The following NCAPH2 variants were observed in gnomAD, a reference collection of about 807,000 sequenced individuals.
The protein encoded by NCAPH2 is condensin-2 complex subunit H2.
NCAPH2 carries 56 observed loss-of-function variants against 88.6 expected under a neutral mutation model. The observed-to-expected ratio is 0.63, with a 90% CI of 0.51 to 0.79. The LOEUF (loss-of-function observed/expected upper bound fraction) is 0.79, where lower values mean the gene tolerates loss of function less well. Ranked by LOEUF, NCAPH2 falls within the 30% of genes least tolerant of loss-of-function variation. The probability of loss-of-function intolerance (pLI) is 0.00; values close to 1 mark genes in which losing one functional copy is unlikely to be tolerated. For missense variants in NCAPH2, 794 were observed against 792.0 expected, an observed-to-expected ratio of 1.00 and a Z score of -0.03; for synonymous variants, 378 against 313.6, an observed-to-expected ratio of 1.21 and a Z score of -2.17.
At chr22:50,517,869 T>C in intron 5 of NCAPH2, 60 bp downstream of exon 5, 1 of 1,605,622 alleles carries the variant, frequency 6.2e-7, no homozygotes, top group Non-Finnish European at 8.5e-7. Context: ...CCTGGGGCTG[T>C]GTTGAGCTGA....
chr22:50,523,340 C>A lies in NCAPH2; in HGVS notation c.1783C>A (p.Gln595Lys). ...GCACCAGCGAGCGCACAAGCGCTTCCAGACCTACGCTGCCCCCTCCATGGC... is the reference window on the plus strand; with the variant it reads ...GCACCAGCGAGCGCACAAGCGCTTCAAGACCTACGCTGCCCCCTCCATGGC... ...LTHQRAHKRF[Q>K]TYAAPSMAQP Residue 595 changes from glutamine (Q) to lysine (K), a missense_variant, in exon 20 of 20, where the codon CAG (glutamine) becomes AAG (lysine). Physicochemically the swap from Gln to Lys is moderately conservative, Grantham distance 53. Coordinates refer to ENST00000420993, the MANE Select transcript of NCAPH2 (RefSeq NM_152299.4). 1 of 1,563,436 alleles carries A rather than the reference C, an allele frequency of 6.4e-7. No homozygotes were observed. Among genetic ancestry groups the A allele is most frequent in the East Asian group, 2.4e-5 (1 of 41,774 alleles).
chr22:50,519,040 C>T, intron 8 of NCAPH2, 150 bp from the exon 9 acceptor site: 2 of 729,292 alleles, frequency 2.7e-6, no homozygotes, highest in African/African-American at 1.8e-5. Flanking sequence ...GCACAGAGCA[C>T]AGGAGCACGA....
rs576319524 is a variant in NCAPH2 at position 50,520,878 on chromosome 22, A to G, written c.862-87A>G. ...ACGCCCGACCCTTGTAGGGTTCTTG[A>G]TGTTAACCCAAGGTGGAGTTCCTGG... On this transcript the variant is annotated intron_variant, in intron 9 of 19. Coordinates refer to ENST00000420993, the MANE Select transcript of NCAPH2 (RefSeq NM_152299.4). The G allele has an allele frequency of 4.8e-6, 7 of 1,461,398 alleles. No individual in the cohort carries two copies. The Admixed American group carries it at 8.1e-5, about 17-fold the overall frequency. 90.5% of individuals were successfully genotyped at this position (1,461,398 alleles called of 1,614,324 possible). A position where few individuals can be genotyped will look rare whatever the true frequency, so the allele number is the denominator to read the frequency against.
At position 50,523,845 on chromosome 22, in the gene NCAPH2, CA is replaced by C; in HGVS notation, c.*472del. ...CCTGTTTGGTGGAGCCGGTCAGACC[CA>C]ACAGTCTTGGGTGGAAGTCCTGGAC... is the stretch of plus-strand genomic sequence containing the variant. On this transcript the variant is annotated 3_prime_UTR_variant, in exon 20 of 20. Transcript: ENST00000420993. The C allele has an allele frequency of 6.2e-7, 1 of 1,614,056 alleles. No individual in the cohort carries two copies. The highest frequency in any genetic ancestry group is 8.5e-7 in the Non-Finnish European group (1 of 1,180,036).
At chr22:50,521,179 C>T (rs131815) in intron 10 of NCAPH2, 143 bp downstream of exon 10, 221,163 of 880,170 alleles carry the variant, frequency 0.25, 30,435 homozygotes, top group Non-Finnish European at 0.28. Context: ...TAAAGACCCC[C>T]TCATGCGACT....
In NCAPH2 at chr22:50,524,273, C is replaced by T. The variant is rs1363331043; in HGVS notation, c.*898C>T. 1 of 1,604,244 alleles carries T rather than the reference C, an allele frequency of 6.2e-7. No individual in the cohort carries two copies. The highest frequency in any genetic ancestry group is 1.3e-5 in the African/African-American group (1 of 75,044). Reference sequence around the variant, plus strand: ...GGGCCCTGGGGCTGGCCCTGCCCACCTGTCTCTGCAGGGCCCTGCCTTGAC... The same window carrying T: ...GGGCCCTGGGGCTGGCCCTGCCCACTTGTCTCTGCAGGGCCCTGCCTTGAC... On this transcript the variant is annotated 3_prime_UTR_variant, in exon 20 of 20. Coordinates refer to ENST00000420993, the MANE Select transcript of NCAPH2 (RefSeq NM_152299.4).
At position 50,524,025 on chromosome 22, in the gene NCAPH2, G is replaced by A. The variant is rs2069210790; in HGVS notation, c.*650G>A. 1 of 1,613,598 alleles carries A rather than the reference G, an allele frequency of 6.2e-7. No individual in the cohort carries two copies. The highest frequency in any genetic ancestry group is 8.5e-7 in the Non-Finnish European group (1 of 1,180,032). ...GGCAGATGTCAGGGCAGTGAGTGAA[G>A]CCAAAGTACATCAGCACCCACTGGC... On this transcript the variant is annotated 3_prime_UTR_variant, in exon 20 of 20. Coordinates refer to ENST00000420993, the MANE Select transcript of NCAPH2 (RefSeq NM_152299.4).
At chr22:50,517,109 A>G (rs131817) in intron 2 of NCAPH2, among the ~76,000 whole-genome samples, 91,340 of 152,010 alleles carry the variant, frequency 0.6, 28,092 homozygotes, top group African/African-American at 0.72. Flanking sequence ...GAGGGGCCTC[A>G]CCACCAAGGA....
chr22:50,519,690 A>G, intron 9 of NCAPH2: 2 of 1,105,378 alleles, frequency 1.8e-6, no homozygotes, highest in Non-Finnish European at 2.2e-6. Flanking sequence ...CCCGGGGTCA[A>G]CTGTACCCAG....
At chr22:50,510,192 A>G (rs2068747058) in intron 1 of NCAPH2, among the ~76,000 whole-genome samples, 1 of 152,112 alleles carries the variant, frequency 6.6e-6, no homozygotes, top group South Asian at 2.1e-4. Flanking sequence ...AAGTGCTGGG[A>G]TTACAGGCGT....
chr22:50,511,724 C>T (rs1007411599), intron 1 of NCAPH2, among the ~76,000 whole-genome samples: 2 of 149,688 alleles, frequency 1.3e-5, no homozygotes, highest in Non-Finnish European at 2.9e-5. Context: ...CGGCTCACTG[C>T]AAGCTCCATC....
intron 9 of NCAPH2, 82 bp downstream of exon 9, chr22:50,519,402 A>T: frequency 6.4e-7 from 1 of 1,574,134 alleles, no homozygotes; most frequent in East Asian, 2.3e-5. Flanking sequence ...TTGCACAAGG[A>T]GGACAGTGGT....
chr22:50,519,638 G>A (rs934242673), intron 9 of NCAPH2: 10 of 1,183,816 alleles, frequency 8.4e-6, no homozygotes, highest in Non-Finnish European at 1.0e-5. Context: ...AGTCGGGCTG[G>A]TAGGAGGGAG....
chr22:50,509,472 G>A (rs2148654029), intron 1 of NCAPH2, among the ~76,000 whole-genome samples: 1 of 152,274 alleles, frequency 6.6e-6, no homozygotes, highest in South Asian at 2.1e-4. Context: ...CTATAGTGAA[G>A]CCCCATGCTT....
Position 50,523,579 on chromosome 22 carries a change from C to A in NCAPH2, c.*204C>A. 6.2e-7 allele frequency: 1 copy of A among 1,607,608 alleles called. No individual in the cohort carries two copies. The highest frequency in any genetic ancestry group is 8.5e-7 in the Non-Finnish European group (1 of 1,176,200). ...CACACACACACAGATTAAACGCAGC[C>A]CGTTTAATGATGGGGCCCAGACTGC... On this transcript the variant is annotated 3_prime_UTR_variant, in exon 20 of 20. Coordinates refer to ENST00000420993, the MANE Select transcript of NCAPH2 (RefSeq NM_152299.4).
chr22:50,510,978 C>G lies in NCAPH2; in HGVS notation c.108+2533C>G, dbSNP rs139748626. Reference sequence around the variant, plus strand: ...TTTCCTGCCTCAGCTTCCCGAGTAGCTGGGACTACAGGCACCTGCCACCAC... The same window carrying G: ...TTTCCTGCCTCAGCTTCCCGAGTAGGTGGGACTACAGGCACCTGCCACCAC... On this transcript the variant is annotated intron_variant, in intron 1 of 19. Transcript: ENST00000420993. Among the ~76,000 whole-genome samples, 4 of 150,212 alleles carry G rather than the reference C, an allele frequency of 2.7e-5. No individual in the cohort carries two copies. In the East Asian group the frequency reaches 6.0e-4, roughly 22 times the overall value.
chr22:50,521,701 A>ATCC, intron 11 of NCAPH2, 40 bp from the exon 12 acceptor site: 1 of 1,612,508 alleles, frequency 6.2e-7, no homozygotes, highest in Middle Eastern at 1.7e-4. Flanking sequence ...TTGCACCCTG[A>ATCC]TCCCCCAGCG....
At chr22:50,522,628 G>T (rs768232599) in intron 16 of NCAPH2, 43 bp from the exon 17 acceptor site, 12 of 1,613,604 alleles carry the variant, frequency 7.4e-6, no homozygotes, top group Non-Finnish European at 9.3e-6. Context: ...GCAGGGGAGA[G>T]CGTGGCCCCT....
At chr22:50,519,578 G>C (rs1339179558) in intron 9 of NCAPH2, 2 of 1,264,300 alleles carry the variant, frequency 1.6e-6, no homozygotes, top group African/African-American at 3.1e-5. Flanking sequence ...GAGCCCTGTC[G>C]AGCTCACGGC....
Sources: allele counts gnomAD v4.1 joint callset (sites outside exome capture counted in the v4.1 genomes callset), GRCh38; gene constraint gnomAD v4.1.1; transcripts MANE v1.5; gene names NCBI Gene and HGNC (gene_info 2026-07-23, HGNC 2026-07-21).